The following UQCC1 variants were observed in gnomAD, a reference collection of about 807,000 sequenced individuals.
The protein encoded by UQCC1 is bFGF-repressed Zic-binding protein.
Under a neutral mutation model 48.0 loss-of-function variants are expected in UQCC1, and 38 were observed. The ratio of observed to expected loss-of-function variants is 0.79; its 90% confidence interval spans 0.61 to 1.04. The LOEUF is 1.04. UQCC1 is among the 50% of genes least tolerant of loss of function. The pLI, the probability that UQCC1 is intolerant of heterozygous loss-of-function variation, is 0.00. For missense variants in UQCC1, 368 were observed against 381.8 expected (o/e 0.96, Z 0.30); for synonymous variants, 111 against 129.2 (o/e 0.86, Z 0.95).
At position 35,411,938 on chromosome 20, in the gene UQCC1, A is replaced by C. The variant is rs138619683; in HGVS notation, c.24+2T>G. The C allele has an allele frequency of 2.5e-6, 4 of 1,614,174 alleles. No individual in the cohort carries two copies. The highest frequency in any genetic ancestry group is 2.7e-5 in the African/African-American group (2 of 75,042). On this transcript the variant is annotated splice_donor_variant, in intron 1 of 9. Transcript: ENST00000374385. LOFTEE classifies it high-confidence loss of function. ...ACCGTAGAAAATTACTCCTTCACTC[A>C]CAAGGACTCGCACCAGCAACGCCAT...
chr20:35,396,734 A>G (rs180975992), intron 1 of UQCC1, among the ~76,000 whole-genome samples: 9 of 152,326 alleles, frequency 5.9e-5, no homozygotes, highest in Admixed American at 5.9e-4. Flanking sequence ...GTGAGAGGCT[A>G]GGCTGGAGAA....
At chr20:35,354,556 C>T (rs1220892084) in intron 6 of UQCC1, among the ~76,000 whole-genome samples, 2 of 152,102 alleles carry the variant, frequency 1.3e-5, no homozygotes, top group Non-Finnish European at 2.9e-5. Context: ...GCCACCACAC[C>T]GGGCTAATTT....
intron 8 of UQCC1, among the ~76,000 whole-genome samples, chr20:35,310,789 T>A (rs1445289005): frequency 7.2e-6 from 1 of 139,030 alleles, no homozygotes; most frequent in Non-Finnish European, 1.5e-5. Flanking sequence ...ACCTCCTGGG[T>A]TCATGCCATT....
At chr20:35,360,912 A>C (rs1317571232) in intron 6 of UQCC1, among the ~76,000 whole-genome samples, 1 of 152,154 alleles carries the variant, frequency 6.6e-6, no homozygotes, top group East Asian at 1.9e-4. Flanking sequence ...GAAAGGAAGC[A>C]AAGTGTTTAG....
At chr20:35,371,529 A>C (rs950511337) in intron 5 of UQCC1, among the ~76,000 whole-genome samples, 1 of 151,564 alleles carries the variant, frequency 6.6e-6, no homozygotes, top group Non-Finnish European at 1.5e-5. Context: ...TGGGGGTTTC[A>C]CCATGTTGGC....
In UQCC1 at chr20:35,304,056, T is replaced by TCCAG; in HGVS notation, c.775_778dup (p.Asp260AlafsTer74). The TCCAG allele has an allele frequency of 6.2e-7, 1 of 1,613,790 alleles. No homozygotes were observed. The highest frequency in any genetic ancestry group is 8.5e-7 in the Non-Finnish European group (1 of 1,179,904). ...AAGCAGATCCTCCCCGTTCATGGAGTCCAGGTACTGTATCTGCAACCAGGG... is the reference window on the plus strand; with the variant it reads ...AAGCAGATCCTCCCCGTTCATGGAGTCCAGCCAGGTACTGTATCTGCAACCAGGG... On this transcript the variant is annotated frameshift_variant, in exon 10 of 10. Transcript: ENST00000374385. LOFTEE classifies it high-confidence loss of function.
intron 1 of UQCC1, among the ~76,000 whole-genome samples, chr20:35,408,889 T>C (rs542523992): frequency 2.8e-4 from 43 of 151,762 alleles, no homozygotes; most frequent in Admixed American, 7.2e-4. Flanking sequence ...TGACACATGC[T>C]ACAACATGGA....
At position 35,387,514 on chromosome 20, in the gene UQCC1, A is replaced by AT. The variant is rs747450589; in HGVS notation, c.130-3382dup. On this transcript the variant is annotated intron_variant, in intron 2 of 9. Transcript: ENST00000374385. ...TCATTACTCAATAAAAACTAGGTGGATTTTTTTTTTTTTTCAAAGAGGACA... is the reference window on the plus strand; with the variant it reads ...TCATTACTCAATAAAAACTAGGTGGATTTTTTTTTTTTTTTCAAAGAGGACA... Among the ~76,000 whole-genome samples the AT allele has an allele frequency of 1.8e-3, 262 of 142,638 alleles. 1 individual carries two copies. Among genetic ancestry groups the AT allele is most frequent in the Middle Eastern group, 7.1e-3 (2 of 282 alleles). 93.6% of individuals were successfully genotyped at this position (142,638 alleles called of 152,430 possible). A position where few individuals can be genotyped will look rare whatever the true frequency, so the allele number is the denominator to read the frequency against.
chr20:35,317,838 T>C (rs1400255232), intron 7 of UQCC1, among the ~76,000 whole-genome samples: 2 of 152,232 alleles, frequency 1.3e-5, no homozygotes, highest in Non-Finnish European at 2.9e-5. Flanking sequence ...CTTCTTCGCC[T>C]TTCTTTCCCC....
At position 35,303,732 on chromosome 20, in the gene UQCC1, G is replaced by C. The variant is rs1250975568; in HGVS notation, c.*203C>G. 14 of 679,382 alleles carry C rather than the reference G, an allele frequency of 2.1e-5. No homozygotes were observed. The highest frequency in any genetic ancestry group is 4.9e-6 in the Non-Finnish European group (2 of 408,674). 42.1% of individuals were successfully genotyped at this position (679,382 alleles called of 1,614,324 possible). A position where few individuals can be genotyped will look rare whatever the true frequency, so the allele number is the denominator to read the frequency against. The stretch of plus-strand genomic sequence containing the variant: ...GGGAGAGGACACCCCGGGAGAGCTA[G>C]GGGTTCTCCCAGCCCTGTACCCCAG... On this transcript the variant is annotated 3_prime_UTR_variant, in exon 10 of 10. Transcript: ENST00000374385.
chr20:35,401,229 A>G (rs2062159822), intron 1 of UQCC1, among the ~76,000 whole-genome samples: 1 of 152,212 alleles, frequency 6.6e-6, no homozygotes, highest in Non-Finnish European at 1.5e-5. Context: ...CGGAACTCAC[A>G]GCCAACAGCA....
chr20:35,330,192 G>A (rs760925817), intron 7 of UQCC1, among the ~76,000 whole-genome samples: 1 of 152,366 alleles, frequency 6.6e-6, no homozygotes, highest in East Asian at 1.9e-4. Flanking sequence ...CAGGGTGTGT[G>A]TAGTGGCTCT....
At chr20:35,314,165 T>C (rs748330479) in intron 8 of UQCC1, among the ~76,000 whole-genome samples, 1 of 151,468 alleles carries the variant, frequency 6.6e-6, no homozygotes, top group Non-Finnish European at 1.5e-5. Flanking sequence ...GGTTTCACCA[T>C]GTTGGCCAGG....
At chr20:35,405,784 A>C (rs1466189466) in intron 1 of UQCC1, among the ~76,000 whole-genome samples, 2 of 152,200 alleles carry the variant, frequency 1.3e-5, no homozygotes, top group East Asian at 1.9e-4. Flanking sequence ...GCTACTCAGA[A>C]GGCTGAGGCG....
intron 1 of UQCC1, 29 bp from the exon 2 acceptor site, chr20:35,394,225 G>A (rs1196650275): frequency 6.3e-7 from 1 of 1,580,558 alleles, no homozygotes; most frequent in South Asian, 1.1e-5. Flanking sequence ...AATCTGTCAG[G>A]AATCTAAATC....
chr20:35,355,014 A>T (rs933037896), intron 6 of UQCC1, among the ~76,000 whole-genome samples: 9 of 152,008 alleles, frequency 5.9e-5, no homozygotes, highest in African/African-American at 2.2e-4. Flanking sequence ...GCACACTCAC[A>T]CCCACACCCA....
At chr20:35,342,160 C>T (rs2061387417) in intron 7 of UQCC1, among the ~76,000 whole-genome samples, 1 of 152,124 alleles carries the variant, frequency 6.6e-6, no homozygotes, top group Non-Finnish European at 1.5e-5. Context: ...TTCCAGAAGT[C>T]TCACTGAGGC....
At chr20:35,306,965 C>A in intron 8 of UQCC1, 186 bp from the exon 9 acceptor site, 2 of 643,524 alleles carry the variant, frequency 3.1e-6, no homozygotes, top group South Asian at 1.7e-5. Flanking sequence ...CTGGCCCAAT[C>A]CCTTCATTTT....
chr20:35,355,626 A>G (rs893874117), intron 6 of UQCC1, among the ~76,000 whole-genome samples: 24 of 152,340 alleles, frequency 1.6e-4, no homozygotes, highest in African/African-American at 5.8e-4. Flanking sequence ...CTTGAAGCCT[A>G]TCACATTCAA....
Sources: gnomAD v4.1 joint callset for allele counts (sites outside exome capture counted in the v4.1 genomes callset) on GRCh38, gnomAD v4.1.1 for gene constraint, MANE v1.5 for transcripts, NCBI Gene and HGNC (gene_info 2026-07-23, HGNC 2026-07-21) for gene names.